Variants in SLU7 observed in about 807,000 individuals in gnomAD.
The protein encoded by SLU7 is spliceosome associated SLU7.
SLU7 carries 60 observed loss-of-function variants against 87.0 expected under a neutral mutation model. The observed-to-expected ratio is 0.69, with a 90% confidence interval of 0.56 to 0.86. The LOEUF is 0.86. Among genes scored for constraint, SLU7 ranks in the 40% least tolerant of loss-of-function variants. The pLI is 0.00. For synonymous variants in SLU7, 197 were observed against 222.0 expected (o/e 0.89, Z 1.00); for missense variants, 507 against 686.6 (o/e 0.74, Z 2.92).
intron 2 of SLU7, 42 bp downstream of exon 2, chr5:160,415,083 G>A: frequency 3.4e-6 from 5 of 1,476,852 alleles, no homozygotes; most frequent in Non-Finnish European, 4.6e-6. Flanking sequence ...ACATGAATTT[G>A]AATTCTGAAT....
intron 8 of SLU7, 126 bp downstream of exon 8, chr5:160,408,203 A>C: frequency 8.0e-7 from 1 of 1,244,818 alleles, no homozygotes; most frequent in Non-Finnish European, 1.1e-6. Context: ...GAAGAGAAAA[A>C]ACAGAATGAA....
intron 6 of SLU7, among the ~76,000 whole-genome samples, chr5:160,409,733 C>A (rs914397096): frequency 2.0e-5 from 3 of 151,758 alleles, no homozygotes; most frequent in East Asian, 3.9e-4. Flanking sequence ...GAACACTGAA[C>A]GGCCATTAAA....
intron 2 of SLU7, 89 bp downstream of exon 2, chr5:160,415,036 T>A: frequency 9.1e-7 from 1 of 1,102,108 alleles, no homozygotes; most frequent in Non-Finnish European, 1.3e-6. Flanking sequence ...TGAAGAGAGG[T>A]TCCTCTCAAA....
At chr5:160,416,192 C>A (rs1765448574) in intron 1 of SLU7, among the ~76,000 whole-genome samples, 2 of 152,048 alleles carry the variant, frequency 1.3e-5, no homozygotes, top group Non-Finnish European at 2.9e-5. Context: ...CTGTGCCTGG[C>A]CCTCTTGGTT....
intron 2 of SLU7, among the ~76,000 whole-genome samples, chr5:160,414,820 T>A (rs957524626): frequency 6.6e-6 from 1 of 152,154 alleles, no homozygotes; most frequent in Non-Finnish European, 1.5e-5. Flanking sequence ...AATAATTGTG[T>A]AGGTATTATT....
chr5:160,408,684 T>G lies in SLU7; in HGVS notation c.653A>C (p.His218Pro). 6.4e-7 allele frequency: 1 copy of G among 1,563,704 alleles called. No homozygotes were observed. Among genetic ancestry groups the G allele is most frequent in the South Asian group, 1.2e-5 (1 of 84,712 alleles). The change falls in exon 7 of 16, where the codon CAC (histidine) becomes CCC (proline). Residue 218 changes from histidine to proline, a missense_variant. This residue lies in a region of SLU7 where 155 missense variants were observed against 154.4 expected (regional missense o/e 1.00). Transcript: ENST00000297151. ...ATTTGGTTCCTCTTCTCCCCACTGG[T>G]GTTTTGGAGAATTCTGCATCATGAA... ...KLVEQANSPKHQWGEEEPNSQ... is the reference protein window; with the variant it reads ...KLVEQANSPKPQWGEEEPNSQ...
Position 160,402,157 on chromosome 5 carries a change from C to T in SLU7, c.*1128G>A, listed in dbSNP as rs1764807818. On this transcript the variant is annotated 3_prime_UTR_variant, in exon 16 of 16. Transcript: ENST00000297151. ...TTTGCAAATTTTACAAACAAAGTAA[C>T]AGCTGCTGGCTATAAATATTAGGAT... 1 of 152,112 alleles carries T rather than the reference C, an allele frequency of 6.6e-6. No individual in the cohort carries two copies. The allele number at this position is 152,112 out of a possible 1,614,324, so 9.4% of individuals were successfully genotyped here.
intron 6 of SLU7, among the ~76,000 whole-genome samples, chr5:160,409,892 A>C (rs991199807): frequency 3.3e-5 from 5 of 152,194 alleles, no homozygotes; most frequent in Non-Finnish European, 7.3e-5. Flanking sequence ...ACACATACAC[A>C]AAAGAGTTGG....
chr5:160,405,183 A>G, intron 12 of SLU7, 48 bp from the exon 13 acceptor site: 1 of 1,296,014 alleles, frequency 7.7e-7, no homozygotes, highest in Non-Finnish European at 1.1e-6. Flanking sequence ...TGAAATTAGA[A>G]ACTTCTGTAT....
chr5:160,403,259 A>G lies in SLU7; in HGVS notation c.*26T>C, dbSNP rs772748469. On this transcript the variant is annotated 3_prime_UTR_variant, in exon 16 of 16. Coordinates refer to ENST00000297151, the MANE Select transcript of SLU7 (RefSeq NM_006425.5). ...TGAAAAGAATGTATCAGCTGCATCTATCTTGGATGGTCTTCTGACTAGTTG... is the reference window on the plus strand; with the variant it reads ...TGAAAAGAATGTATCAGCTGCATCTGTCTTGGATGGTCTTCTGACTAGTTG... 7 of 1,532,230 alleles carry G rather than the reference A, an allele frequency of 4.6e-6. No homozygotes were observed. In the South Asian group the frequency reaches 4.9e-5, roughly 11 times the overall value. The allele number at this position is 1,532,230 out of a possible 1,614,324, so 94.9% of individuals were successfully genotyped here.
At chr5:160,404,163 A>T (rs1244182966) in intron 15 of SLU7, among the ~76,000 whole-genome samples, 2 of 152,206 alleles carry the variant, frequency 1.3e-5, no homozygotes, top group African/African-American at 4.8e-5. Context: ...CAGAAGTTTG[A>T]GACCAGACTG....
At chr5:160,414,136 G>A in intron 3 of SLU7, 157 bp from the exon 4 acceptor site, 1 of 677,918 alleles carries the variant, frequency 1.5e-6, no homozygotes, top group Non-Finnish European at 2.4e-6. Flanking sequence ...ACTTTAAAGA[G>A]TTCAGGAGTG....
chr5:160,404,659 G>C, intron 14 of SLU7, 103 bp from the exon 15 acceptor site: 1 of 900,462 alleles, frequency 1.1e-6, no homozygotes, highest in Non-Finnish European at 1.7e-6. Flanking sequence ...CCAGGAGGCG[G>C]AAGTTGCAGT....
rs1286264391 is a variant in SLU7, at chr5:160,403,341, A to G, written c.1705T>C (p.Tyr569His). Residue 569 changes from tyrosine (Y) to histidine (H), a missense_variant, in exon 16 of 16, where the codon TAT becomes CAT. This residue lies in a region of SLU7 where 201 missense variants were observed against 213.4 expected (regional missense o/e 0.94). Transcript: ENST00000297151. ...REPTEEEMEAYRMKRQRPDDP... is the reference protein window; with the variant it reads ...REPTEEEMEAHRMKRQRPDDP... ...TCTGGCCTCTGACGTTTCATTCTAT[A>G]TGCCTCCATTTCCTCTTCAGTAGGT... is the stretch of plus-strand genomic sequence containing the variant. The G allele has an allele frequency of 6.2e-7, 1 of 1,613,226 alleles. No homozygotes were observed.
At chr5:160,412,100 A>C (rs1246518873) in intron 6 of SLU7, among the ~76,000 whole-genome samples, 1 of 152,214 alleles carries the variant, frequency 6.6e-6, no homozygotes, top group Non-Finnish European at 1.5e-5. Flanking sequence ...CTGTTCCTGG[A>C]CATTTAAGCT....
chr5:160,404,967 G>T, intron 13 of SLU7, 64 bp downstream of exon 13: 2 of 1,514,838 alleles, frequency 1.3e-6, no homozygotes, highest in South Asian at 1.1e-5. Flanking sequence ...GAGACAGCAT[G>T]TTTTAGTTTG....
Position 160,404,471 on chromosome 5 carries a change from T to A in SLU7, c.1550A>T (p.Asp517Val). ...CAATTTTTCATGCTTCTTTTCTTCA[T>A]CATCACTATCTGAACTGCTCTTTCG... ...KHRKSSSDSDDEEKKHEKLKK... is the reference protein window; with the variant it reads ...KHRKSSSDSDVEEKKHEKLKK... The change falls in exon 15 of 16, where the codon GAT becomes GTT. Residue 517 changes from aspartate to valine, a missense_variant. By Grantham distance (152) the Asp-to-Val change is radical. Coordinates refer to ENST00000297151, the MANE Select transcript of SLU7 (RefSeq NM_006425.5). 1.9e-6 allele frequency: 3 copies of A among 1,602,904 alleles called. No homozygotes were observed. Among genetic ancestry groups the A allele is most frequent in the Non-Finnish European group, 2.6e-6 (3 of 1,173,894 alleles).
chr5:160,412,522 T>TAAAAAAAA lies in SLU7; in HGVS notation c.571-4_571-3insTTTTTTTT. On this transcript the variant is annotated splice_polypyrimidine_tract_variant and splice_region_variant and intron_variant, in intron 5 of 15. Coordinates refer to ENST00000297151, the MANE Select transcript of SLU7 (RefSeq NM_006425.5). ...TGGGCTTTCAATGTTCGTTTTGCCT[T>TAAAAAAAA]TAAAAAAAAAAAAAAGAAAGAAAGA... 3.4e-6 allele frequency: 2 copies of TAAAAAAAA among 587,704 alleles called. No homozygotes were observed. The highest frequency in any genetic ancestry group is 4.6e-6 in the Non-Finnish European group (2 of 430,814). 36.4% of individuals were successfully genotyped at this position (587,704 alleles called of 1,614,324 possible).
At chr5:160,405,998 T>C (rs1328513260) in intron 12 of SLU7, among the ~76,000 whole-genome samples, 1 of 152,232 alleles carries the variant, frequency 6.6e-6, no homozygotes, top group African/African-American at 2.4e-5. Flanking sequence ...AATGACTAGA[T>C]ATTAGGTGAT....
Sources: gnomAD v4.1 joint callset for allele counts (sites outside exome capture counted in the v4.1 genomes callset) on GRCh38, gnomAD v4.1.1 for gene constraint, gnomAD v4.1.1 regional missense constraint, MANE v1.5 for transcripts, NCBI Gene and HGNC (gene_info 2026-07-23, HGNC 2026-07-21) for gene names.